HEBP1: variants seen among roughly 807,000 people sequenced by gnomAD.
HEBP1 encodes the protein heme-binding protein 1.
A neutral mutation model predicts 20.4 loss-of-function variants in HEBP1; 13 were observed. The observed-to-expected ratio is 0.64, with a 90% CI of 0.42 to 1.01. HEBP1 has a LOEUF of 1.01. Among genes scored for constraint, HEBP1 ranks in the 50% least tolerant of loss-of-function variants. HEBP1 has a pLI of 0.00. For synonymous variants in HEBP1, 92 were observed against 90.7 expected (o/e 1.01, Z -0.08); for missense variants, 241 against 247.3 (o/e 0.97, Z 0.17).
At chr12:12,993,486 CCTCTCTCTCTCTCTCTCT>C (rs113869518) in intron 1 of HEBP1, among the ~76,000 whole-genome samples, 2 of 134,880 alleles carry the variant, frequency 1.5e-5, no homozygotes, top group African/African-American at 5.9e-5. Flanking sequence ...TTTTTCTTTT[CCTCTCTCTCTCTCTCTCT>C]CTCTCTCTCT....
chr12:12,979,274 G>A (rs986516509), intron 3 of HEBP1, among the ~76,000 whole-genome samples: 3 of 152,146 alleles, frequency 2.0e-5, no homozygotes, highest in Admixed American at 2.0e-4. Context: ...TTTATTCCCA[G>A]GCAGACTGAA....
intron 1 of HEBP1, among the ~76,000 whole-genome samples, chr12:12,991,653 T>C (rs1022260782): frequency 1.3e-5 from 2 of 152,196 alleles, no homozygotes; most frequent in African/African-American, 2.4e-5. Flanking sequence ...TGAAAAAAAA[T>C]CACAATCCAC....
chr12:12,984,014 A>T (rs1864119488), intron 3 of HEBP1: 2 of 274,584 alleles, frequency 7.3e-6, no homozygotes, highest in Non-Finnish European at 1.5e-5. Flanking sequence ...AATAAGAATA[A>T]TATCTGTAAC....
At chr12:12,977,916 T>A (rs912767247) in intron 3 of HEBP1, among the ~76,000 whole-genome samples, 2 of 152,224 alleles carry the variant, frequency 1.3e-5, no homozygotes, top group African/African-American at 4.8e-5. Flanking sequence ...CCTAACACAG[T>A]GCCTGAATAT....
chr12:12,977,024 G>A (rs1292030667), intron 3 of HEBP1, among the ~76,000 whole-genome samples: 1 of 152,206 alleles, frequency 6.6e-6, no homozygotes, highest in Non-Finnish European at 1.5e-5. Context: ...ACACTGAACT[G>A]TTCTCTAGGA....
chr12:12,999,855 C>T (rs988642903), intron 1 of HEBP1, among the ~76,000 whole-genome samples, 182 bp downstream of exon 1: 3 of 152,246 alleles, frequency 2.0e-5, no homozygotes, highest in African/African-American at 7.2e-5. Context: ...GGGGACCTCT[C>T]ACTCCTTTCC....
In HEBP1 at chr12:12,993,653, C is replaced by T. The variant is rs188168194; in HGVS notation, c.79-4238G>A. ...TATCAGAAGTCATTTTACGCAGTTA[C>T]TTCTTTTACAAATGGGAAGACCAAA... On this transcript the variant is annotated intron_variant, in intron 1 of 3. Transcript: ENST00000014930. Among the ~76,000 whole-genome samples the T allele has an allele frequency of 2.5e-4, 38 of 152,316 alleles. No individual in the cohort carries two copies. The East Asian group carries it at 6.7e-3, about 27-fold the overall frequency.
Position 12,989,434 on chromosome 12 carries a change from C to G in HEBP1, c.79-19G>C. 1 of 1,613,692 alleles carries G rather than the reference C, an allele frequency of 6.2e-7. No homozygotes were observed. Among genetic ancestry groups the G allele is most frequent in the South Asian group, 1.1e-5 (1 of 91,078 alleles). ...CTTCTTCCTAGAGAGAGAGAAGGTA[C>G]AGTGTTTAAGAGGTACAAAGTAGCA... On this transcript the variant is annotated intron_variant, in intron 1 of 3. Transcript: ENST00000014930.
intron 1 of HEBP1, among the ~76,000 whole-genome samples, chr12:12,994,736 T>G (rs1395760510): frequency 1.3e-5 from 2 of 152,076 alleles, no homozygotes; most frequent in Non-Finnish European, 2.9e-5. Flanking sequence ...TCAGTTCATC[T>G]CCTCCTGATA....
At chr12:12,989,082 C>G (rs1638334106) in intron 2 of HEBP1, among the ~76,000 whole-genome samples, 195 bp downstream of exon 2, 1 of 152,238 alleles carries the variant, frequency 6.6e-6, no homozygotes, top group African/African-American at 2.4e-5. Context: ...GAGGGACAGA[C>G]TGGGCTGATA....
intron 3 of HEBP1, among the ~76,000 whole-genome samples, chr12:12,976,359 T>C (rs1863988077): frequency 6.6e-6 from 1 of 152,218 alleles, no homozygotes; most frequent in Admixed American, 6.5e-5. Context: ...TTCAAGATTA[T>C]TATTCTCTCC....
intron 3 of HEBP1, chr12:12,979,568 T>C (rs952405262): frequency 7.2e-5 from 11 of 152,220 alleles, no homozygotes; most frequent in African/African-American, 1.9e-4. Flanking sequence ...AATCTGGACA[T>C]GGAGCACAAT....
At position 12,986,455 on chromosome 12, in the gene HEBP1, C is replaced by G. The variant is rs904641113; in HGVS notation, c.398+697G>C. The G allele has an allele frequency of 6.6e-6, 1 of 152,174 alleles. No individual in the cohort carries two copies. The highest frequency in any genetic ancestry group is 6.5e-5 in the Admixed American group (1 of 15,278). The allele number at this position is 152,174 out of a possible 1,614,324, so 9.4% of individuals were successfully genotyped here. On this transcript the variant is annotated intron_variant, in intron 3 of 3. Coordinates refer to ENST00000014930, the MANE Select transcript of HEBP1 (RefSeq NM_015987.5). This position sits in a 1 kb window ranked among gnomAD's most constrained non-coding sequence, Gnocchi z 4.3. The stretch of plus-strand genomic sequence containing the variant: ...CCTATGATTACTTCTGGTGAAGATC[C>G]TGGTCTTTCCCTGAGCCTGGTTTGG...
At chr12:12,981,265 C>T (rs73287254) in intron 3 of HEBP1, among the ~76,000 whole-genome samples, 3,997 of 152,176 alleles carry the variant, frequency 0.026, 172 homozygotes, top group African/African-American at 0.092. Context: ...TGGAAATCTG[C>T]GTTGTGTTTT....
In HEBP1 at chr12:12,996,179, G is replaced by T. The variant is rs1267575768; in HGVS notation, c.78+3858C>A. On this transcript the variant is annotated intron_variant, in intron 1 of 3. Transcript: ENST00000014930. The surrounding 1 kb of genome is among the most constrained non-coding windows in gnomAD (Gnocchi z 4.1). ...CCAATAACCCTGTGAAGAAGTTAGG[G>T]CTTTAATCTTCATTTTCAGATGAAA... Among the ~76,000 whole-genome samples, 1 of 152,126 alleles carries T rather than the reference G, an allele frequency of 6.6e-6. No individual in the cohort carries two copies. Among genetic ancestry groups the T allele is most frequent in the African/African-American group, 2.4e-5 (1 of 41,414 alleles).
Position 12,987,612 on chromosome 12 carries a change from T to C in HEBP1, c.218-280A>G, listed in dbSNP as rs12820498. Among the ~76,000 whole-genome samples the C allele has an allele frequency of 7.7e-3, 910 of 117,620 alleles. 20 individuals carry two copies. The highest frequency in any genetic ancestry group is 0.038 in the South Asian group (139 of 3,664). 77.2% of individuals were successfully genotyped at this position (117,620 alleles called of 152,430 possible). On this transcript the variant is annotated intron_variant, in intron 2 of 3. Coordinates refer to ENST00000014930, the MANE Select transcript of HEBP1 (RefSeq NM_015987.5). ...TCTTTCTCTCTCTCTCTCTCTCTCT[T>C]TCTCTCTCTCTCTCTCTCTCTCTTT...
At chr12:12,989,028 G>A (rs918874083) in intron 2 of HEBP1, among the ~76,000 whole-genome samples, 7 of 152,232 alleles carry the variant, frequency 4.6e-5, no homozygotes, top group African/African-American at 1.7e-4. Flanking sequence ...ACACCTGGGA[G>A]TGAAGCAGGA....
At chr12:12,999,247 C>T (rs1591579892) in intron 1 of HEBP1, among the ~76,000 whole-genome samples, 3 of 152,344 alleles carry the variant, frequency 2.0e-5, no homozygotes, top group Admixed American at 2.0e-4. Flanking sequence ...TTTTCCTATA[C>T]ATACATACCT....
intron 1 of HEBP1, among the ~76,000 whole-genome samples, chr12:12,997,595 G>A (rs1864306501): frequency 1.3e-5 from 2 of 152,150 alleles, no homozygotes; most frequent in Admixed American, 1.3e-4. Context: ...TCCCAGTAGA[G>A]ACTCCCACTG....
Sources: allele counts gnomAD v4.1 joint callset (sites outside exome capture counted in the v4.1 genomes callset), GRCh38; gene constraint gnomAD v4.1.1; non-coding constraint Gnocchi (gnomAD v3.1); transcripts MANE v1.5; gene names NCBI Gene and HGNC (gene_info 2026-07-23, HGNC 2026-07-21).